PKIB: variants seen among roughly 807,000 people sequenced by gnomAD.
PKIB encodes cAMP-dependent protein kinase inhibitor beta.
PKIB carries 2 observed loss-of-function variants against 4.5 expected under a neutral mutation model. The observed-to-expected ratio is 0.44, with a 90% confidence interval of 0.18 to 1.39. PKIB has a LOEUF of 1.39. Ranked by LOEUF, PKIB falls within the 40% of genes most tolerant of loss-of-function variation. The probability of loss-of-function intolerance (pLI) is 0.27; values close to 1 mark genes in which losing one functional copy is unlikely to be tolerated. For missense variants in PKIB, 94 were observed against 92.6 expected (o/e 1.02, Z -0.06); for synonymous variants, 38 against 36.0 (o/e 1.06, Z -0.20).
intron 2 of PKIB, among the ~76,000 whole-genome samples, chr6:122,532,489 T>C (rs946892169): frequency 6.6e-6 from 1 of 152,178 alleles, no homozygotes; most frequent in Non-Finnish European, 1.5e-5. Context: ...ATCTCCAGAA[T>C]GAAATTCTGT....
chr6:122,523,240 T>C (rs138250460), intron 2 of PKIB, among the ~76,000 whole-genome samples: 1,642 of 152,310 alleles, frequency 0.011, 14 homozygotes, highest in Middle Eastern at 0.037. Flanking sequence ...TTTTCTGCAA[T>C]TGAGATAATC....
chr6:122,486,403 A>G (rs1775768529), intron 2 of PKIB, among the ~76,000 whole-genome samples: 1 of 152,106 alleles, frequency 6.6e-6, no homozygotes, highest in African/African-American at 2.4e-5. Context: ...TGAGGATTCC[A>G]ACCATAGTTG....
intron 2 of PKIB, among the ~76,000 whole-genome samples, chr6:122,579,316 G>T (rs1773639145): frequency 6.6e-6 from 1 of 152,182 alleles, no homozygotes; most frequent in South Asian, 2.1e-4. Context: ...TGTTTGCGGT[G>T]CATGGAATAT....
intron 2 of PKIB, among the ~76,000 whole-genome samples, chr6:122,576,711 T>TATATATATA (rs1554221348): frequency 6.6e-4 from 50 of 75,658 alleles, no homozygotes; most frequent in East Asian, 1.2e-3. Context: ...TATATATATA[T>TATATATATA]TTTCTTTTGT....
chr6:122,719,714 CAT>C (rs1160631191), intron 4 of PKIB, among the ~76,000 whole-genome samples: 9 of 34,608 alleles, frequency 2.6e-4, no homozygotes, highest in East Asian at 8.6e-4. Context: ...TCCCACCACA[CAT>C]ACACACACAC....
intron 2 of PKIB, among the ~76,000 whole-genome samples, chr6:122,546,293 A>T (rs917716581): frequency 6.6e-6 from 1 of 151,826 alleles, no homozygotes; most frequent in African/African-American, 2.4e-5. Context: ...GACCCAATAC[A>T]TCCTAAAACC....
chr6:122,473,360 C>T (rs1024360283), intron 1 of PKIB, among the ~76,000 whole-genome samples: 1 of 152,096 alleles, frequency 6.6e-6, no homozygotes, highest in Non-Finnish European at 1.5e-5. Flanking sequence ...GTCTCTTGCT[C>T]CATTTAAGAG....
At chr6:122,634,108 A>C (rs1775816532) in intron 2 of PKIB, among the ~76,000 whole-genome samples, 1 of 152,134 alleles carries the variant, frequency 6.6e-6, no homozygotes, top group African/African-American at 2.4e-5. Flanking sequence ...GTAACAAGGA[A>C]CAGAAAACCA....
intron 1 of PKIB, among the ~76,000 whole-genome samples, chr6:122,626,327 AT>A (rs1341934371): frequency 6.6e-6 from 1 of 152,346 alleles, no homozygotes; most frequent in East Asian, 1.9e-4. Context: ...ACGAGTAAAG[AT>A]TTATGAATTT....
At chr6:122,688,447 C>A in intron 3 of PKIB, among the ~76,000 whole-genome samples, 1 of 152,070 alleles carries the variant, frequency 6.6e-6, no homozygotes, top group East Asian at 1.9e-4. Context: ...GTTTTGGAAT[C>A]AGGGTAATAT....
At chr6:122,613,689 T>G (rs1158709853) in intron 1 of PKIB, among the ~76,000 whole-genome samples, 1 of 152,044 alleles carries the variant, frequency 6.6e-6, no homozygotes, top group African/African-American at 2.4e-5. Context: ...GTTTTGGCCC[T>G]GCGTGGTGGC....
chr6:122,682,191 T>TTACA (rs1777921590), intron 3 of PKIB, among the ~76,000 whole-genome samples: 2 of 151,938 alleles, frequency 1.3e-5, no homozygotes, highest in Admixed American at 6.6e-5. Flanking sequence ...AAGTGGGGAG[T>TTACA]TACAGATAGG....
intron 2 of PKIB, among the ~76,000 whole-genome samples, chr6:122,520,318 T>C (rs939346746): frequency 6.6e-6 from 1 of 152,200 alleles, no homozygotes; most frequent in Non-Finnish European, 1.5e-5. Context: ...AAATATTTAC[T>C]GATACTCTAA....
chr6:122,689,256 A>G (rs1778228533), intron 3 of PKIB, among the ~76,000 whole-genome samples: 1 of 151,994 alleles, frequency 6.6e-6, no homozygotes, highest in African/African-American at 2.4e-5. Flanking sequence ...CTTCATTTCA[A>G]TTCCATTTAC....
At chr6:122,525,010 G>T (rs1456481187) in intron 2 of PKIB, among the ~76,000 whole-genome samples, 1 of 149,806 alleles carries the variant, frequency 6.7e-6, no homozygotes. Flanking sequence ...GCTAATTTTG[G>T]GCTCAGTTTT....
intron 1 of PKIB, among the ~76,000 whole-genome samples, chr6:122,475,602 A>T (rs1035979004): frequency 1.3e-5 from 2 of 152,160 alleles, no homozygotes; most frequent in African/African-American, 4.8e-5. Flanking sequence ...CCTGGCCAAC[A>T]TGGTGAAACC....
intron 2 of PKIB, among the ~76,000 whole-genome samples, chr6:122,540,600 A>C (rs1335020910): frequency 6.6e-6 from 1 of 151,874 alleles, no homozygotes; most frequent in Non-Finnish European, 1.5e-5. Context: ...TTTACTTCCA[A>C]CTATGTGGTC....
intron 2 of PKIB, among the ~76,000 whole-genome samples, chr6:122,584,340 T>G (rs532263338): frequency 1.3e-5 from 2 of 152,262 alleles, no homozygotes; most frequent in Non-Finnish European, 2.9e-5. Context: ...AACCAGAGAT[T>G]AAATATGTCA....
At chr6:122,597,181 C>T (rs1694538379) in intron 3 of PKIB, among the ~76,000 whole-genome samples, 1 of 152,210 alleles carries the variant, frequency 6.6e-6, no homozygotes, top group South Asian at 2.1e-4. Context: ...CTACTTCTGG[C>T]TCACTGGATC....
Sources: allele counts gnomAD v4.1 joint callset (sites outside exome capture counted in the v4.1 genomes callset), GRCh38; gene constraint gnomAD v4.1.1; transcripts MANE v1.5; gene names NCBI Gene and HGNC (gene_info 2026-07-23, HGNC 2026-07-21).